The following CUX1 variants were observed in gnomAD, a reference collection of about 807,000 sequenced individuals.
CUX1 encodes the protein protein CASP.
In CUX1, 31 loss-of-function variants were observed where a neutral mutation model predicts 158.8. The ratio of observed to expected loss-of-function variants is 0.20; its 90% confidence interval spans 0.15 to 0.26. The LOEUF is 0.26. Among genes scored for constraint, CUX1 ranks in the 10% least tolerant of loss-of-function variants. The pLI, the probability that CUX1 is intolerant of heterozygous loss-of-function variation, is 1.00. For missense variants in CUX1, 1,589 were observed against 2,014.6 expected (o/e 0.79, Z 4.04); for synonymous variants, 879 against 862.1 (o/e 1.02, Z -0.34).
chr7:102,246,417 C>T (rs1554536922), intron 23 of CUX1, among the ~76,000 whole-genome samples: 1 of 152,182 alleles, frequency 6.6e-6, no homozygotes, highest in African/African-American at 2.4e-5. Flanking sequence ...TCAGAGCTCA[C>T]TGCACGCAGG....
intron 16 of CUX1, among the ~76,000 whole-genome samples, chr7:102,199,778 G>A (rs1263188739): frequency 2.0e-5 from 3 of 152,272 alleles, no homozygotes; most frequent in South Asian, 2.1e-4. Context: ...TTAATCACTC[G>A]CCTTTTATAT....
upstream of CUX1, chr7:101,816,134 G>A: frequency 3.3e-6 from 4 of 1,221,786 alleles, no homozygotes; most frequent in Non-Finnish European, 3.2e-6. Context: ...CGGGGGTGGG[G>A]GCTGCGGGCG....
chr7:102,276,562 A>G (rs1299714584), intron 17 of CUX1, among the ~76,000 whole-genome samples: 5 of 152,190 alleles, frequency 3.3e-5, no homozygotes, highest in Non-Finnish European at 7.3e-5. Flanking sequence ...TCAGCCTCCT[A>G]AAGTGCTGGG....
At chr7:102,158,360 C>T (rs1308972315) in intron 8 of CUX1, among the ~76,000 whole-genome samples, 200 bp from the exon 9 acceptor site, 2 of 152,154 alleles carry the variant, frequency 1.3e-5, no homozygotes, top group Non-Finnish European at 2.9e-5. Context: ...ACGCACCAGA[C>T]ACATGATTAT....
At chr7:101,846,030 G>C (rs1315958322) in intron 1 of CUX1, among the ~76,000 whole-genome samples, 1 of 151,844 alleles carries the variant, frequency 6.6e-6, no homozygotes, top group Non-Finnish European at 1.5e-5. Flanking sequence ...AAAAAATGCA[G>C]GCTCTCAGGC....
At chr7:101,995,156 G>A (rs1815683498) in intron 2 of CUX1, among the ~76,000 whole-genome samples, 1 of 152,104 alleles carries the variant, frequency 6.6e-6, no homozygotes, top group Non-Finnish European at 1.5e-5. Flanking sequence ...GGGTGATTGT[G>A]GGGAACTGCT....
At chr7:102,259,781 G>GA (rs1790254507), downstream of CUX1, among the ~76,000 whole-genome samples, 1 of 148,820 alleles carries the variant, frequency 6.7e-6, no homozygotes, top group Admixed American at 6.7e-5. Flanking sequence ...AAGGAAGGAA[G>GA]GAAAGGAAGG....
chr7:102,205,034 G>A (rs947621321), intron 19 of CUX1, 80 bp from the exon 20 acceptor site: 18 of 989,408 alleles, frequency 1.8e-5, no homozygotes, highest in East Asian at 5.0e-5. Flanking sequence ...AAGCCTCCCC[G>A]GGCCTTGCCA....
chr7:101,959,799 G>T (rs1810244691), intron 2 of CUX1, among the ~76,000 whole-genome samples: 1 of 152,102 alleles, frequency 6.6e-6, no homozygotes, highest in Non-Finnish European at 1.5e-5. Flanking sequence ...TTCTGCGGAG[G>T]ATTTCACCGC....
intron 5 of CUX1, among the ~76,000 whole-genome samples, chr7:102,103,046 G>A (rs549538805): frequency 6.6e-6 from 1 of 152,296 alleles, no homozygotes; most frequent in South Asian, 2.1e-4. Flanking sequence ...TGATGTCTGT[G>A]AACCTGCAGT....
rs782634332 is a variant in CUX1, at chr7:102,253,089, G to C, written c.*4047G>C. On this transcript the variant is annotated 3_prime_UTR_variant, in exon 24 of 24. Transcript: ENST00000292535. ...GGGGTAGATCCCTTGTACCTCCAAA[G>C]TACAAATACCTCCCTGCTCAGTTTC... The C allele has an allele frequency of 1.0e-4, 101 of 985,320 alleles. No individual in the cohort carries two copies. Among genetic ancestry groups the C allele is most frequent in the Non-Finnish European group, 1.2e-4 (97 of 829,950 alleles). 61.0% of individuals were successfully genotyped at this position (985,320 alleles called of 1,614,324 possible). A position where few individuals can be genotyped will look rare whatever the true frequency, so the allele number is the denominator to read the frequency against.
intron 23 of CUX1, among the ~76,000 whole-genome samples, chr7:102,240,001 G>A (rs186455466): frequency 1.3e-5 from 2 of 152,252 alleles, no homozygotes; most frequent in Admixed American, 6.5e-5. Flanking sequence ...GCCCACCTCG[G>A]CCCCGCAAAG....
chr7:102,241,349 C>T (rs1800187607), intron 23 of CUX1, among the ~76,000 whole-genome samples: 1 of 152,174 alleles, frequency 6.6e-6, no homozygotes, highest in Admixed American at 6.5e-5. Context: ...AGTGCCTTGC[C>T]ATTGACCATC....
intron 2 of CUX1, among the ~76,000 whole-genome samples, chr7:101,972,475 G>A (rs1482959470): frequency 6.6e-6 from 1 of 152,226 alleles, no homozygotes; most frequent in Non-Finnish European, 1.5e-5. Context: ...GGGATCTGTT[G>A]GAGAGAGAAG....
chr7:101,903,817 T>C (rs1323123084), intron 1 of CUX1, among the ~76,000 whole-genome samples: 1 of 152,158 alleles, frequency 6.6e-6, no homozygotes, highest in Non-Finnish European at 1.5e-5. Flanking sequence ...AGTGGGTTTG[T>C]GACGGGGTGA....
intron 14 of CUX1, among the ~76,000 whole-genome samples, chr7:102,272,045 C>T (rs1354854912): frequency 2.6e-5 from 4 of 152,146 alleles, no homozygotes; most frequent in African/African-American, 9.7e-5. Context: ...AAAATAAATC[C>T]ATTCGGGGCC....
intron 17 of CUX1, among the ~76,000 whole-genome samples, chr7:102,277,553 T>G (rs528207303): frequency 6.6e-6 from 1 of 151,686 alleles, no homozygotes; most frequent in Non-Finnish European, 1.5e-5. Flanking sequence ...CCGAGATTGA[T>G]TGCGTCGTTG....
At chr7:101,863,855 A>G (rs764663285) in intron 1 of CUX1, among the ~76,000 whole-genome samples, 7 of 152,136 alleles carry the variant, frequency 4.6e-5, no homozygotes, top group Non-Finnish European at 1.0e-4. Flanking sequence ...AAGTTCCTCC[A>G]TGTCGTAGCT....
At chr7:102,186,597 T>TATATATATA (rs1554515382) in intron 11 of CUX1, among the ~76,000 whole-genome samples, 1 of 144,036 alleles carries the variant, frequency 6.9e-6, no homozygotes, top group African/African-American at 2.5e-5. Context: ...ATATATATAT[T>TATATATATA]TTTTTTTATT....
Sources: allele counts gnomAD v4.1 joint callset (sites outside exome capture counted in the v4.1 genomes callset), GRCh38; gene constraint gnomAD v4.1.1; transcripts MANE v1.5; gene names NCBI Gene and HGNC (gene_info 2026-07-23, HGNC 2026-07-21).